The following MEIKIN variants were observed in gnomAD, a reference collection of about 807,000 sequenced individuals.
The protein encoded by MEIKIN is meiosis-specific kinetochore protein.
intron 7 of MEIKIN, among the ~76,000 whole-genome samples, chr5:131,916,456 A>G (rs1048804707): frequency 6.6e-6 from 1 of 152,112 alleles, no homozygotes; most frequent in Non-Finnish European, 1.5e-5. Flanking sequence ...GGGCCATCCA[A>G]TTTGTTGTTG....
rs896875047 is a variant in MEIKIN, at chr5:131,856,064, G to A, written c.775-1230C>T. On this transcript the variant is annotated intron_variant, in intron 9 of 12. Coordinates refer to ENST00000442687, the MANE Select transcript of MEIKIN (RefSeq NM_001303622.2). Reference sequence around the variant, plus strand: ...TGGCTTAAAAGCTTTTAAACTGATCGTTGGTACAAGACATAATCTGGAATA... The same window carrying A: ...TGGCTTAAAAGCTTTTAAACTGATCATTGGTACAAGACATAATCTGGAATA... 4.6e-5 allele frequency among the ~76,000 whole-genome samples: 7 copies of A among 152,180 alleles called. No individual in the cohort carries two copies. The South Asian group carries it at 1.2e-3, about 27-fold the overall frequency.
intron 12 of MEIKIN, among the ~76,000 whole-genome samples, chr5:131,813,240 T>A (rs1299366179): frequency 6.6e-6 from 1 of 152,164 alleles, no homozygotes; most frequent in Non-Finnish European, 1.5e-5. Flanking sequence ...CATATTTGAT[T>A]TACAAATGGT....
At chr5:131,810,170 C>T (rs1322395575) in intron 12 of MEIKIN, among the ~76,000 whole-genome samples, 1 of 152,178 alleles carries the variant, frequency 6.6e-6, no homozygotes, top group Non-Finnish European at 1.5e-5. Flanking sequence ...TGTCATATAT[C>T]TGTGTGATAC....
At chr5:131,824,157 C>T (rs1490948074) in intron 11 of MEIKIN, among the ~76,000 whole-genome samples, 1 of 152,252 alleles carries the variant, frequency 6.6e-6, no homozygotes, top group Admixed American at 6.5e-5. Context: ...CCTTTCCCTC[C>T]AGTGTGGTGA....
intron 11 of MEIKIN, among the ~76,000 whole-genome samples, chr5:131,834,842 C>A (rs548852301): frequency 6.6e-6 from 1 of 152,060 alleles, no homozygotes; most frequent in Non-Finnish European, 1.5e-5. Flanking sequence ...ATTACTGGAA[C>A]CTATATTTTT....
At chr5:131,845,647 T>C (rs1240418421) in intron 11 of MEIKIN, among the ~76,000 whole-genome samples, 2 of 150,042 alleles carry the variant, frequency 1.3e-5, no homozygotes, top group Non-Finnish European at 3.0e-5. Flanking sequence ...GTACAATAAC[T>C]GAAAGGAAAA....
At chr5:131,873,401 G>A (rs971988998) in intron 9 of MEIKIN, among the ~76,000 whole-genome samples, 2 of 151,888 alleles carry the variant, frequency 1.3e-5, no homozygotes, top group Non-Finnish European at 2.9e-5. Flanking sequence ...AGAGACAAAG[G>A]AGGCCATTAC....
intron 11 of MEIKIN, among the ~76,000 whole-genome samples, chr5:131,844,604 T>G (rs912097415): frequency 2.0e-5 from 3 of 152,136 alleles, no homozygotes; most frequent in Non-Finnish European, 4.4e-5. Flanking sequence ...ATGCATACTG[T>G]TCAGTATGCA....
chr5:131,885,366 AGAG>A lies in MEIKIN; in HGVS notation c.704-6321_704-6319del, dbSNP rs1750769503. Among the ~76,000 whole-genome samples, 54 of 69,064 alleles carry A rather than the reference AGAG, an allele frequency of 7.8e-4. 4 individuals carry two copies. The highest frequency in any genetic ancestry group is 7.7e-3 in the South Asian group (14 of 1,830). The allele number at this position is 69,064 out of a possible 152,430, so 45.3% of individuals were successfully genotyped here. ...AAGAGAGAGAGAGAGAGAGAGAGAG[AGAG>A]AGAGAGAGAGAGAGAGAGAGAGAGA... On this transcript the variant is annotated intron_variant, in intron 8 of 12. Transcript: ENST00000442687.
chr5:131,878,466 C>T (rs553772393), intron 9 of MEIKIN, among the ~76,000 whole-genome samples: 1 of 152,202 alleles, frequency 6.6e-6, no homozygotes, highest in Non-Finnish European at 1.5e-5. Flanking sequence ...ACTCGGGAGG[C>T]TGAGGCAGGA....
chr5:131,904,031 A>G (rs1162635606), intron 8 of MEIKIN, among the ~76,000 whole-genome samples: 3 of 152,204 alleles, frequency 2.0e-5, no homozygotes, highest in African/African-American at 4.8e-5. Context: ...TGGACAAAAC[A>G]GACTTTAACC....
intron 8 of MEIKIN, among the ~76,000 whole-genome samples, chr5:131,895,857 T>G (rs1751039468): frequency 6.6e-6 from 1 of 152,236 alleles, no homozygotes; most frequent in South Asian, 2.1e-4. Flanking sequence ...TCACTGATTT[T>G]TGAAGGGTTT....
intron 8 of MEIKIN, among the ~76,000 whole-genome samples, chr5:131,898,106 T>C (rs1381321974): frequency 6.6e-6 from 1 of 152,200 alleles, no homozygotes; most frequent in African/African-American, 2.4e-5. Flanking sequence ...GTCCTTTTCG[T>C]TGATGTTGAT....
At chr5:131,832,065 G>A (rs1485649332) in intron 11 of MEIKIN, among the ~76,000 whole-genome samples, 1 of 151,962 alleles carries the variant, frequency 6.6e-6, no homozygotes, top group Non-Finnish European at 1.5e-5. Flanking sequence ...CTTCCCAACA[G>A]TCCCCCGAAG....
rs575634850 is a variant in MEIKIN at position 131,927,973 on chromosome 5, G to A, written c.478+5540C>T. ...ATCCTGGCTAACACGGTGAAACCCC[G>A]TCTCTACTAAAAATACAAAAATTAG... On this transcript the variant is annotated intron_variant, in intron 5 of 12. Transcript: ENST00000442687. Among the ~76,000 whole-genome samples, 477 of 151,816 alleles carry A rather than the reference G, an allele frequency of 3.1e-3. 3 individuals are homozygous for A. Among genetic ancestry groups the A allele is most frequent in the African/African-American group, 0.011 (453 of 41,344 alleles).
At chr5:131,825,471 A>G (rs1749595123) in intron 11 of MEIKIN, among the ~76,000 whole-genome samples, 1 of 152,154 alleles carries the variant, frequency 6.6e-6, no homozygotes, top group Non-Finnish European at 1.5e-5. Flanking sequence ...CCTCCAGTGG[A>G]GTCACATGGT....
chr5:131,929,448 G>C (rs1450447438), intron 5 of MEIKIN, among the ~76,000 whole-genome samples: 1 of 152,046 alleles, frequency 6.6e-6, no homozygotes, highest in African/African-American at 2.4e-5. Flanking sequence ...GCTTGATAGT[G>C]GCTCACAAGT....
intron 4 of MEIKIN, among the ~76,000 whole-genome samples, chr5:131,935,923 CT>C (rs1328399883): frequency 6.6e-6 from 1 of 152,194 alleles, no homozygotes; most frequent in Non-Finnish European, 1.5e-5. Flanking sequence ...GCATCTTTTG[CT>C]TTCTCTTCTC....
Position 131,928,143 on chromosome 5 carries a change from CAAAAAAAAAAA to C in MEIKIN, c.478+5359_478+5369del, listed in dbSNP as rs60395354. 3.4e-5 allele frequency among the ~76,000 whole-genome samples: 3 copies of C among 88,724 alleles called. No homozygotes were observed. The Admixed American group carries it at 3.7e-4, about 11-fold the overall frequency. 58.2% of individuals were successfully genotyped at this position (88,724 alleles called of 152,430 possible). A position where few individuals can be genotyped will look rare whatever the true frequency, so the allele number is the denominator to read the frequency against. On this transcript the variant is annotated intron_variant, in intron 5 of 12. Coordinates refer to ENST00000442687, the MANE Select transcript of MEIKIN (RefSeq NM_001303622.2). Reference sequence around the variant, plus strand: ...TGGGCGACAGAGCAAAACTCCGTCTCAAAAAAAAAAAAAAAAAAAATCTAAAGAGGGTCACT... The same window carrying C: ...TGGGCGACAGAGCAAAACTCCGTCTCAAAAAAAAATCTAAAGAGGGTCACT...
Sources: allele counts gnomAD v4.1 joint callset (sites outside exome capture counted in the v4.1 genomes callset), GRCh38; gene constraint gnomAD v4.1.1; transcripts MANE v1.5; gene names NCBI Gene and HGNC (gene_info 2026-07-23, HGNC 2026-07-21).